The following CSMD1 variants were observed in gnomAD, a reference collection of about 807,000 sequenced individuals.
CSMD1 encodes CUB and Sushi multiple domains 1.
A neutral mutation model predicts 417.5 loss-of-function variants in CSMD1; 213 were observed. That is an observed-to-expected ratio of 0.51 (90% CI 0.46 to 0.57). The LOEUF (loss-of-function observed/expected upper bound fraction) is 0.57, where lower values mean the gene tolerates loss of function less well. Ranked by LOEUF, CSMD1 falls within the 20% of genes least tolerant of loss-of-function variation. The pLI is 0.00. For missense variants in CSMD1, 6,923 were observed against 4,529.7 expected, an observed-to-expected ratio of 1.53 and a Z score of -15.17; for synonymous variants, 2,862 against 1,736.8, an observed-to-expected ratio of 1.65 and a Z score of -16.11.
intron 3 of CSMD1, among the ~76,000 whole-genome samples, chr8:4,310,413 T>G (rs2128878371): frequency 6.6e-6 from 1 of 152,270 alleles, no homozygotes; most frequent in Non-Finnish European, 1.5e-5. Flanking sequence ...ATTTAAACAT[T>G]TTGGTATTCA....
intron 26 of CSMD1, among the ~76,000 whole-genome samples, chr8:3,281,058 T>C: frequency 6.6e-6 from 1 of 152,116 alleles, no homozygotes; most frequent in East Asian, 1.9e-4. Context: ...AAAACTTACG[T>C]CCACACAAAA....
intron 33 of CSMD1, among the ~76,000 whole-genome samples, chr8:3,195,157 A>G (rs1269370621): frequency 1.3e-5 from 2 of 152,184 alleles, no homozygotes; most frequent in South Asian, 2.1e-4. Context: ...AGGCATAAAT[A>G]TAAGACAATT....
chr8:4,196,751 TTTATC>T (rs1799362417), intron 3 of CSMD1, among the ~76,000 whole-genome samples: 2 of 152,122 alleles, frequency 1.3e-5, no homozygotes, highest in Admixed American at 6.5e-5. Context: ...CTCAAGACCC[TTTATC>T]TTATCTGTAA....
intron 5 of CSMD1, among the ~76,000 whole-genome samples, chr8:3,825,201 G>C (rs955215054): frequency 2.0e-5 from 3 of 152,082 alleles, no homozygotes; most frequent in Non-Finnish European, 2.9e-5. Context: ...TTCCCTGAAG[G>C]AGTCATAAAA....
intron 3 of CSMD1, among the ~76,000 whole-genome samples, chr8:4,337,324 C>T (rs1800228481): frequency 6.6e-6 from 1 of 152,066 alleles, no homozygotes. Context: ...AAATTTCTCC[C>T]AGTTACCCCA....
chr8:4,446,661 CTCTG>C (rs753098921), intron 2 of CSMD1, among the ~76,000 whole-genome samples: 21 of 152,108 alleles, frequency 1.4e-4, no homozygotes, highest in African/African-American at 4.1e-4. Flanking sequence ...TTGAGCCATT[CTCTG>C]TCTCAGTCTC....
At chr8:3,550,543 G>A (rs1192117642) in intron 10 of CSMD1, among the ~76,000 whole-genome samples, 2 of 152,192 alleles carry the variant, frequency 1.3e-5, no homozygotes, top group Admixed American at 6.5e-5. Flanking sequence ...AGGGTGATTA[G>A]CACATCCAGC....
At chr8:4,129,625 T>G (rs1016446662) in intron 3 of CSMD1, among the ~76,000 whole-genome samples, 1 of 152,150 alleles carries the variant, frequency 6.6e-6, no homozygotes, top group Non-Finnish European at 1.5e-5. Flanking sequence ...ACTTGTTTCC[T>G]CTCTGGAAAT....
At chr8:4,162,141 G>C (rs985085497) in intron 3 of CSMD1, among the ~76,000 whole-genome samples, 1 of 152,128 alleles carries the variant, frequency 6.6e-6, no homozygotes, top group Non-Finnish European at 1.5e-5. Flanking sequence ...AACTAAACCA[G>C]TGCGACATCG....
At chr8:3,535,827 C>A (rs997663092) in intron 10 of CSMD1, among the ~76,000 whole-genome samples, 1 of 152,162 alleles carries the variant, frequency 6.6e-6, no homozygotes, top group Non-Finnish European at 1.5e-5. Context: ...TCCTCTCCCA[C>A]CAGTTTTTGT....
At chr8:3,524,061 A>T (rs780286526) in intron 10 of CSMD1, among the ~76,000 whole-genome samples, 3 of 132,840 alleles carry the variant, frequency 2.3e-5, no homozygotes, top group Non-Finnish European at 5.3e-5. Flanking sequence ...GTGCACACAC[A>T]TGCACACACT....
Position 4,564,627 on chromosome 8 carries a change from T to C in CSMD1, c.302+72715A>G, listed in dbSNP as rs1798506853. Among the ~76,000 whole-genome samples, 4 of 152,226 alleles carry C rather than the reference T, an allele frequency of 2.6e-5. No individual in the cohort carries two copies. The South Asian group carries it at 8.3e-4, about 31-fold the overall frequency. ...CAGGTAACAGTTAAGTTTTGTCACA[T>C]AAACTAATCTGACACTTCACTGAGG... is the stretch of plus-strand genomic sequence containing the variant. On this transcript the variant is annotated intron_variant, in intron 2 of 69. Coordinates refer to ENST00000635120, the MANE Select transcript of CSMD1 (RefSeq NM_033225.6).
At chr8:4,451,133 G>C (rs577558978) in intron 2 of CSMD1, among the ~76,000 whole-genome samples, 1 of 152,062 alleles carries the variant, frequency 6.6e-6, no homozygotes. Context: ...ATCCAGACTA[G>C]CCTGGGCAAC....
intron 24 of CSMD1, 62 bp downstream of exon 24, chr8:3,308,250 A>C: frequency 7.7e-7 from 1 of 1,303,506 alleles, no homozygotes; most frequent in Non-Finnish European, 1.1e-6. Context: ...AGTCAATGCA[A>C]CATGGTGCAA....
At chr8:3,147,774 G>A (rs1818929323) in intron 40 of CSMD1, among the ~76,000 whole-genome samples, 1 of 152,164 alleles carries the variant, frequency 6.6e-6, no homozygotes, top group South Asian at 2.1e-4. Flanking sequence ...TACTTCAAAG[G>A]AAATATTGTT....
chr8:4,403,286 C>G (rs891828126), intron 3 of CSMD1, among the ~76,000 whole-genome samples: 18 of 152,194 alleles, frequency 1.2e-4, no homozygotes, highest in African/African-American at 4.3e-4. Context: ...CATAACTCTT[C>G]TCTTCATTCC....
chr8:4,855,549 C>A (rs892870181), intron 1 of CSMD1, among the ~76,000 whole-genome samples: 4 of 151,926 alleles, frequency 2.6e-5, no homozygotes, highest in Admixed American at 2.6e-4. Flanking sequence ...CTAGAATAAC[C>A]AATACCAAGA....
At chr8:4,975,668 A>C (rs1401803460) in intron 1 of CSMD1, among the ~76,000 whole-genome samples, 2 of 152,172 alleles carry the variant, frequency 1.3e-5, no homozygotes, top group East Asian at 3.9e-4. Flanking sequence ...GGTAACGGTA[A>C]TTCAAGAAGT....
intron 26 of CSMD1, among the ~76,000 whole-genome samples, chr8:3,242,041 C>G (rs968547806): frequency 2.7e-5 from 2 of 74,588 alleles, no homozygotes; most frequent in African/African-American, 8.1e-5. Flanking sequence ...ATGAACTGGG[C>G]TGGATTTTTA....
Sources: allele counts gnomAD v4.1 joint callset (sites outside exome capture counted in the v4.1 genomes callset), GRCh38; gene constraint gnomAD v4.1.1; transcripts MANE v1.5; gene names NCBI Gene and HGNC (gene_info 2026-07-23, HGNC 2026-07-21).